SLIT2: variants seen among roughly 807,000 people sequenced by gnomAD.
SLIT2 encodes the protein slit guidance ligand 2.
A neutral mutation model predicts 185.7 loss-of-function variants in SLIT2; 41 were observed. The ratio of observed to expected loss-of-function variants is 0.22; its 90% CI spans 0.17 to 0.29. The LOEUF is 0.29. Among genes scored for constraint, SLIT2 ranks in the 10% least tolerant of loss-of-function variants. The probability of loss-of-function intolerance (pLI) is 1.00; values close to 1 mark genes in which losing one functional copy is unlikely to be tolerated. For missense variants in SLIT2, 1,571 were observed against 1,909.0 expected (o/e 0.82, Z 3.30); for synonymous variants, 693 against 680.2 (o/e 1.02, Z -0.29).
At chr4:20,273,967 T>G (rs936951970) in intron 4 of SLIT2, among the ~76,000 whole-genome samples, 2 of 152,176 alleles carry the variant, frequency 1.3e-5, no homozygotes, top group Non-Finnish European at 2.9e-5. Flanking sequence ...CTACGGTTAC[T>G]GTTGTTCAGC....
intron 8 of SLIT2, among the ~76,000 whole-genome samples, 176 bp downstream of exon 8, chr4:20,489,158 C>T (rs1331295919): frequency 1.3e-5 from 2 of 152,188 alleles, no homozygotes; most frequent in African/African-American, 4.8e-5. Flanking sequence ...CTCACTATAT[C>T]GGTTGGCAAG....
At chr4:20,379,401 A>T (rs541414575) in intron 4 of SLIT2, among the ~76,000 whole-genome samples, 2 of 152,180 alleles carry the variant, frequency 1.3e-5, no homozygotes, top group African/African-American at 4.8e-5. Context: ...TTTATGTTAC[A>T]TTAGAGGATA....
At chr4:20,604,791 G>T (rs1312308989) in intron 33 of SLIT2, among the ~76,000 whole-genome samples, 2 of 151,742 alleles carry the variant, frequency 1.3e-5, no homozygotes, top group Non-Finnish European at 1.5e-5. Context: ...TTGAGTTTGG[G>T]TTCCAGTTCC....
intron 4 of SLIT2, among the ~76,000 whole-genome samples, chr4:20,301,207 A>C (rs1031725703): frequency 2.6e-5 from 4 of 152,174 alleles, no homozygotes; most frequent in African/African-American, 9.6e-5. Flanking sequence ...TTTAAATTTT[A>C]AATTTATGAA....
In SLIT2 at chr4:20,595,681, C is replaced by G. The variant is rs771112603; in HGVS notation, c.3183-16C>G. On this transcript the variant is annotated splice_polypyrimidine_tract_variant and intron_variant, in intron 30 of 36. Transcript: ENST00000504154. ...GCTCAGTTGGGTTTGAAACCATTAC[C>G]TGCTTGTTCCAACAGATGTGACTGC... The G allele has an allele frequency of 1.2e-6, 2 of 1,612,400 alleles. No individual in the cohort carries two copies. The highest frequency in any genetic ancestry group is 1.7e-4 in the Middle Eastern group (1 of 6,054).
intron 4 of SLIT2, among the ~76,000 whole-genome samples, chr4:20,349,476 T>C (rs1219574058): frequency 6.6e-6 from 1 of 152,106 alleles, no homozygotes; most frequent in Admixed American, 6.6e-5. Context: ...ATTCTAATGG[T>C]AACCACTAAA....
At chr4:20,545,978 A>G in intron 21 of SLIT2, 53 bp from the exon 22 acceptor site, 1 of 1,046,874 alleles carries the variant, frequency 9.6e-7, no homozygotes. Flanking sequence ...TACTTATTTT[A>G]TTCAAGGCCA....
At chr4:20,598,433 T>A (rs748048723) in intron 33 of SLIT2, 38 bp downstream of exon 33, 54 of 1,610,874 alleles carry the variant, frequency 3.4e-5, no homozygotes, top group Non-Finnish European at 1.3e-5. Flanking sequence ...GTGAAAAAAA[T>A]TGCTTAATGA....
rs899134117 is a variant in SLIT2, at chr4:20,405,988, T to C, written c.396-61764T>C. ...GGGCACTGTGACTGGATCTGGACAA[T>C]AGTATATGATGTGTGTCACTTTTGA... On this transcript the variant is annotated intron_variant, in intron 4 of 36. Coordinates refer to ENST00000504154, the MANE Select transcript of SLIT2 (RefSeq NM_004787.4). Among the ~76,000 whole-genome samples, 4 of 108,450 alleles carry C rather than the reference T, an allele frequency of 3.7e-5. 1 individual carries two copies. Among genetic ancestry groups the C allele is most frequent in the African/African-American group, 1.0e-4 (4 of 38,414 alleles). The allele number at this position is 108,450 out of a possible 152,430, so 71.1% of individuals were successfully genotyped here.
intron 30 of SLIT2, among the ~76,000 whole-genome samples, chr4:20,593,837 A>G (rs553504709): frequency 6.6e-6 from 1 of 152,130 alleles, no homozygotes; most frequent in African/African-American, 2.4e-5. Context: ...GGGTACAAAC[A>G]CAGTTCTGTA....
chr4:20,276,802 C>G (rs889530469), intron 4 of SLIT2, among the ~76,000 whole-genome samples: 1 of 152,168 alleles, frequency 6.6e-6, no homozygotes, highest in African/African-American at 2.4e-5. Context: ...ATTTAAAGTT[C>G]TGTTTGTTCT....
intron 3 of SLIT2, among the ~76,000 whole-genome samples, chr4:20,258,737 C>T (rs1160257152): frequency 6.6e-6 from 1 of 151,544 alleles, no homozygotes. Flanking sequence ...TCTTACATGC[C>T]TTGATTATTC....
At chr4:20,420,077 A>G in intron 4 of SLIT2, among the ~76,000 whole-genome samples, 1 of 152,142 alleles carries the variant, frequency 6.6e-6, no homozygotes, top group Non-Finnish European at 1.5e-5. Flanking sequence ...CACTGTCTCT[A>G]ATATCCAAAT....
At chr4:20,514,890 T>G (rs1488362051) in intron 11 of SLIT2, among the ~76,000 whole-genome samples, 1 of 152,134 alleles carries the variant, frequency 6.6e-6, no homozygotes, top group Admixed American at 6.6e-5. Context: ...CATGTCGTTT[T>G]CAGGGATTTT....
chr4:20,570,689 C>T (rs1725500125), intron 29 of SLIT2, among the ~76,000 whole-genome samples: 1 of 143,496 alleles, frequency 7.0e-6, no homozygotes. Flanking sequence ...GCAAGCTTTG[C>T]CTAACCAATG....
At chr4:20,596,287 A>T in intron 31 of SLIT2, 128 bp from the exon 32 acceptor site, 1 of 854,550 alleles carries the variant, frequency 1.2e-6, no homozygotes, top group Admixed American at 2.5e-5. Context: ...ATAGTTAAGA[A>T]TACTTGAAAA....
At position 20,260,275 on chromosome 4, in the gene SLIT2, CAAG is replaced by C. The variant is rs529037670; in HGVS notation, c.323+2342_323+2344del. ...AAGCTGCAAGAGACAATGTGAGAGA[CAAG>C]AAGAAATCAATAAATTAGCTTTTTA... is the stretch of plus-strand genomic sequence containing the variant. On this transcript the variant is annotated intron_variant, in intron 3 of 36. Coordinates refer to ENST00000504154, the MANE Select transcript of SLIT2 (RefSeq NM_004787.4). 5.1e-3 allele frequency among the ~76,000 whole-genome samples: 780 copies of C among 151,598 alleles called. 1 individual carries two copies. The highest frequency in any genetic ancestry group is 8.4e-3 in the Non-Finnish European group (571 of 67,686).
intron 4 of SLIT2, among the ~76,000 whole-genome samples, chr4:20,348,018 T>C (rs1721563533): frequency 6.6e-6 from 1 of 152,232 alleles, no homozygotes; most frequent in African/African-American, 2.4e-5. Flanking sequence ...TGAATAAAAG[T>C]CTGGATGCTG....
intron 4 of SLIT2, among the ~76,000 whole-genome samples, chr4:20,335,432 A>G (rs1351052532): frequency 1.3e-5 from 2 of 152,224 alleles, no homozygotes. Flanking sequence ...AATGCCATAT[A>G]AATGATTACC....
Sources: allele counts gnomAD v4.1 joint callset (sites outside exome capture counted in the v4.1 genomes callset), GRCh38; gene constraint gnomAD v4.1.1; transcripts MANE v1.5; gene names NCBI Gene and HGNC (gene_info 2026-07-23, HGNC 2026-07-21).